Variants in PPP1R16B observed in about 807,000 individuals in gnomAD.
The protein encoded by PPP1R16B is protein phosphatase 1 regulatory subunit 16B.
Under a neutral mutation model 61.7 loss-of-function variants are expected in PPP1R16B, and 14 were observed. That is an observed-to-expected ratio of 0.23 (90% CI 0.15 to 0.35). PPP1R16B has a LOEUF of 0.35. PPP1R16B is among the 10% of genes least tolerant of loss of function. The probability of loss-of-function intolerance (pLI) is 1.00; values close to 1 mark genes in which losing one functional copy is unlikely to be tolerated. For synonymous variants in PPP1R16B, 266 were observed against 305.3 expected (o/e 0.87, Z 1.34); for missense variants, 547 against 752.5 (o/e 0.73, Z 3.19).
chr20:38,906,306 T>G (rs1268607964), intron 7 of PPP1R16B, among the ~76,000 whole-genome samples: 1 of 145,460 alleles, frequency 6.9e-6, no homozygotes, highest in Non-Finnish European at 1.5e-5. Flanking sequence ...TTTTTTTTTT[T>G]TTTTTGAGAT....
intron 1 of PPP1R16B, among the ~76,000 whole-genome samples, chr20:38,823,037 G>A (rs1475486111): frequency 6.6e-6 from 1 of 152,190 alleles, no homozygotes; most frequent in Non-Finnish European, 1.5e-5. Context: ...TATGCTTGGA[G>A]TTCTGTATAC....
At chr20:38,888,048 G>C (rs1388643824) in intron 2 of PPP1R16B, among the ~76,000 whole-genome samples, 1 of 152,198 alleles carries the variant, frequency 6.6e-6, no homozygotes, top group East Asian at 1.9e-4. Flanking sequence ...CCTGCAGAAG[G>C]GATAGTCTTC....
At chr20:38,807,526 C>A (rs577406680) in intron 1 of PPP1R16B, among the ~76,000 whole-genome samples, 1 of 152,140 alleles carries the variant, frequency 6.6e-6, no homozygotes, top group Non-Finnish European at 1.5e-5. Flanking sequence ...CCTCCCCCAG[C>A]TCTGTCATAA....
chr20:38,909,113 C>T (rs1269457600), intron 10 of PPP1R16B, among the ~76,000 whole-genome samples: 1 of 152,090 alleles, frequency 6.6e-6, no homozygotes, highest in Non-Finnish European at 1.5e-5. Context: ...GCGATCCTCC[C>T]ACCTCAGCCT....
intron 2 of PPP1R16B, among the ~76,000 whole-genome samples, chr20:38,851,026 C>T (rs886368755): frequency 2.6e-5 from 4 of 151,848 alleles, no homozygotes; most frequent in African/African-American, 9.7e-5. Flanking sequence ...TGGGGCCACA[C>T]CCCCGGAGAC....
chr20:38,852,000 T>C (rs2084972044), intron 2 of PPP1R16B, among the ~76,000 whole-genome samples: 1 of 152,114 alleles, frequency 6.6e-6, no homozygotes, highest in Admixed American at 6.5e-5. Context: ...GCCACTGCAC[T>C]CCAGCCTGGG....
At chr20:38,828,932 C>T (rs1476046125) in intron 1 of PPP1R16B, among the ~76,000 whole-genome samples, 1 of 152,144 alleles carries the variant, frequency 6.6e-6, no homozygotes, top group Non-Finnish European at 1.5e-5. Flanking sequence ...TGTAGTACAT[C>T]CTGCCTACTC....
chr20:38,830,926 A>G (rs1293549055), intron 1 of PPP1R16B, among the ~76,000 whole-genome samples: 2 of 152,152 alleles, frequency 1.3e-5, no homozygotes, highest in Non-Finnish European at 2.9e-5. Flanking sequence ...TACTTTTAGC[A>G]TGTTTTTGGT....
rs1213267778 is a variant in PPP1R16B, at chr20:38,907,847, C to G, written c.940C>G (p.Leu314Val). The G allele has an allele frequency of 6.2e-7, 1 of 1,614,158 alleles. No homozygotes were observed. Among genetic ancestry groups the G allele is most frequent in the Admixed American group, 1.7e-5 (1 of 60,022 alleles). Residue 314 changes from leucine to valine, a missense_variant, in exon 9 of 11, where the codon CTA (leucine) becomes GTA (valine). By Grantham distance (32) the Leu-to-Val change is conservative. Transcript: ENST00000299824. The surrounding 1 kb of genome is among the most constrained non-coding windows in gnomAD (Gnocchi z 4.5). ...EEEFKVLLLE[L>V]KHKHDVIMKS... ...AGAGTTCAAGGTCCTGCTGCTGGAG[C>G]TAAAACACAAGCATGATGTGATCAT...
In PPP1R16B at chr20:38,918,030, C is replaced by T. The variant is rs2085556139; in HGVS notation, c.1195-127C>T. ...GGGTTCCCCAAAGGAAAACCCTGGC[C>T]CCGATACCCAGGGAGAGAAAACAGA... is the stretch of plus-strand genomic sequence containing the variant. On this transcript the variant is annotated intron_variant, in intron 10 of 10. Coordinates refer to ENST00000299824, the MANE Select transcript of PPP1R16B (RefSeq NM_015568.4). This position sits in a 1 kb window ranked among gnomAD's most constrained non-coding sequence, Gnocchi z 5.3. 1 of 1,297,212 alleles carries T rather than the reference C, an allele frequency of 7.7e-7. No homozygotes were observed. The highest frequency in any genetic ancestry group is 1.5e-5 in the African/African-American group (1 of 67,504). The allele number at this position is 1,297,212 out of a possible 1,614,324, so 80.4% of individuals were successfully genotyped here.
chr20:38,918,654 C>T lies in PPP1R16B; in HGVS notation c.1692C>T (p.Cys564=). The stretch of plus-strand genomic sequence containing the variant: ...TGGAGGAGAAGGTGCATGGCTGTTG[C>T]CGTATCTCCTAGTCTCCGTGTGATG... ...EEMEEKVHGC[C]RIS is the part of the protein sequence containing the mutation. Residue 564 remains cysteine, a synonymous_variant, in exon 11 of 11, where the codon TGC becomes TGT. Transcript: ENST00000299824. The surrounding 1 kb of genome is among the most constrained non-coding windows in gnomAD (Gnocchi z 5.3). The T allele has an allele frequency of 6.6e-7, 1 of 1,511,608 alleles. No homozygotes were observed. Among genetic ancestry groups the T allele is most frequent in the Non-Finnish European group, 8.8e-7 (1 of 1,131,390 alleles). The allele number at this position is 1,511,608 out of a possible 1,614,324, so 93.6% of individuals were successfully genotyped here.
intron 3 of PPP1R16B, among the ~76,000 whole-genome samples, chr20:38,894,439 C>T (rs1310552242): frequency 6.6e-6 from 1 of 152,244 alleles, no homozygotes; most frequent in African/African-American, 2.4e-5. Context: ...TCACTGTCCC[C>T]TCCCAACGTG....
intron 2 of PPP1R16B, among the ~76,000 whole-genome samples, chr20:38,852,817 A>G (rs1220897147): frequency 1.6e-5 from 2 of 127,314 alleles, no homozygotes; most frequent in Non-Finnish European, 3.1e-5. Context: ...TCTGTTGCCC[A>G]GGCTGGAGTG....
In PPP1R16B at chr20:38,841,006, AT is replaced by A. The variant is rs1268318962; in HGVS notation, c.250+4833del. Among the ~76,000 whole-genome samples, 3 of 152,046 alleles carry A rather than the reference AT, an allele frequency of 2.0e-5. No homozygotes were observed. In the East Asian group the frequency reaches 5.8e-4, roughly 29 times the overall value. ...ATTACAGCATATTCTGATTGTCATC[AT>A]TGTTATTATTTATCAGGTGCTTTGT... On this transcript the variant is annotated intron_variant, in intron 2 of 10. Coordinates refer to ENST00000299824, the MANE Select transcript of PPP1R16B (RefSeq NM_015568.4).
At chr20:38,820,483 G>A (rs896728484) in intron 1 of PPP1R16B, among the ~76,000 whole-genome samples, 2 of 151,706 alleles carry the variant, frequency 1.3e-5, no homozygotes, top group East Asian at 2.0e-4. Flanking sequence ...GCTTGAACCC[G>A]GCAGGTGGAG....
chr20:38,857,590 C>T (rs562433696), intron 2 of PPP1R16B, among the ~76,000 whole-genome samples: 12 of 152,230 alleles, frequency 7.9e-5, no homozygotes, highest in Middle Eastern at 3.4e-3. Flanking sequence ...ATAGATAGAT[C>T]GGTAGGTAGG....
Position 38,922,898 on chromosome 20 carries a change from A to T in PPP1R16B, c.*4232A>T, listed in dbSNP as rs1464604602. The T allele has an allele frequency of 6.6e-6, 1 of 152,396 alleles. No individual in the cohort carries two copies. Among genetic ancestry groups the T allele is most frequent in the Admixed American group, 6.5e-5 (1 of 15,286 alleles). The allele number at this position is 152,396 out of a possible 1,614,324, so 9.4% of individuals were successfully genotyped here. A position where few individuals can be genotyped will look rare whatever the true frequency, so the allele number is the denominator to read the frequency against. Reference sequence around the variant, plus strand: ...GCGGCACCGGTGGGCCTTGGGTCCAAAACTGTGGCTCAGCCACATCCCAAA... The same window carrying T: ...GCGGCACCGGTGGGCCTTGGGTCCATAACTGTGGCTCAGCCACATCCCAAA... On this transcript the variant is annotated 3_prime_UTR_variant, in exon 11 of 11. Transcript: ENST00000299824.
intron 2 of PPP1R16B, among the ~76,000 whole-genome samples, chr20:38,871,004 T>G (rs2085125137): frequency 6.6e-6 from 1 of 152,138 alleles, no homozygotes; most frequent in Non-Finnish European, 1.5e-5. Flanking sequence ...GCTGCACCTT[T>G]AAACAGGGCT....
intron 2 of PPP1R16B, among the ~76,000 whole-genome samples, chr20:38,878,928 C>T (rs531603466): frequency 1.1e-4 from 17 of 152,170 alleles, no homozygotes; most frequent in South Asian, 2.1e-4. Flanking sequence ...AGAGCAAGAG[C>T]GAGTCAGAAA....
Sources: gnomAD v4.1 joint callset for allele counts (sites outside exome capture counted in the v4.1 genomes callset) on GRCh38, gnomAD v4.1.1 for gene constraint, Gnocchi (gnomAD v3.1) non-coding constraint, MANE v1.5 for transcripts, NCBI Gene and HGNC (gene_info 2026-07-23, HGNC 2026-07-21) for gene names.